MICAL2: variants seen among roughly 807,000 people sequenced by gnomAD.
The protein encoded by MICAL2 is microtubule associated monooxygenase, calponin and LIM domain containing 2.
Under a neutral mutation model 127.3 loss-of-function variants are expected in MICAL2, and 77 were observed. The observed-to-expected ratio is 0.60, with a 90% CI of 0.50 to 0.73. MICAL2 has a LOEUF of 0.73. Among genes scored for constraint, MICAL2 ranks in the 30% least tolerant of loss-of-function variants. The probability of loss-of-function intolerance (pLI) is 0.00; values close to 1 mark genes in which losing one functional copy is unlikely to be tolerated. For synonymous variants in MICAL2, 570 were observed against 551.1 expected, an observed-to-expected ratio of 1.03 and a Z score of -0.48; for missense variants, 1,351 against 1,434.4, an observed-to-expected ratio of 0.94 and a Z score of 0.94.
chr11:12,219,843 T>C (rs1413301263), intron 8 of MICAL2, among the ~76,000 whole-genome samples: 2 of 152,362 alleles, frequency 1.3e-5, no homozygotes, highest in Admixed American at 1.3e-4. Context: ...ACGCGCCCTG[T>C]TGAAATTCCT....
chr11:12,117,921 C>T (rs1000338821), intron 1 of MICAL2, among the ~76,000 whole-genome samples: 1 of 152,358 alleles, frequency 6.6e-6, no homozygotes, highest in South Asian at 2.1e-4. Context: ...AGGATTCACT[C>T]AGCCTTTTTC....
intron 3 of MICAL2, among the ~76,000 whole-genome samples, chr11:12,182,510 C>A (rs145140946): frequency 1.3e-5 from 2 of 152,102 alleles, no homozygotes; most frequent in Non-Finnish European, 2.9e-5. Flanking sequence ...CGATTCCTAG[C>A]GATAGGAAAT....
intron 1 of MICAL2, among the ~76,000 whole-genome samples, chr11:12,126,995 A>C (rs546769812): frequency 6.0e-4 from 92 of 152,294 alleles, no homozygotes; most frequent in African/African-American, 2.2e-3. Context: ...TGAGGCCAAG[A>C]GAAATGGGGA....
intron 3 of MICAL2, among the ~76,000 whole-genome samples, chr11:12,177,397 A>C (rs1273504835): frequency 6.6e-6 from 1 of 152,088 alleles, no homozygotes; most frequent in Admixed American, 6.5e-5. Flanking sequence ...CTGGATACTA[A>C]CTCTTTGCCA....
chr11:12,281,215 A>C (rs1044106683), intron 2 of MICAL2: 41 of 397,248 alleles, frequency 1.0e-4, no homozygotes, highest in Non-Finnish European at 1.6e-4. Flanking sequence ...CTCAGGCTTC[A>C]AGGCGGTGGG....
chr11:12,195,152 G>A (rs1248774449), intron 3 of MICAL2, among the ~76,000 whole-genome samples: 2 of 152,142 alleles, frequency 1.3e-5, no homozygotes, highest in African/African-American at 4.8e-5. Context: ...AGCTACTAGG[G>A]AGGTTGAGGT....
intron 24 of MICAL2, 167 bp downstream of exon 24, chr11:12,257,138 G>A (rs1862440722): frequency 2.7e-6 from 2 of 727,504 alleles, no homozygotes; most frequent in Non-Finnish European, 4.3e-6. Flanking sequence ...CCTGCTAGAA[G>A]GGGAGGCTGC....
At chr11:12,215,568 A>T (rs1317255527) in intron 7 of MICAL2, among the ~76,000 whole-genome samples, 3 of 152,194 alleles carry the variant, frequency 2.0e-5, no homozygotes, top group Non-Finnish European at 2.9e-5. Flanking sequence ...TCCTCAGGTG[A>T]TGCTGATGCT....
chr11:12,262,060 G>A (rs1041819396), intron 26 of MICAL2: 10 of 1,066,808 alleles, frequency 9.4e-6, no homozygotes, highest in East Asian at 7.8e-5. Flanking sequence ...TTACTGTGGC[G>A]AGACAGGGCG....
intron 2 of MICAL2, among the ~76,000 whole-genome samples, chr11:12,283,154 C>A (rs1039337795): frequency 6.6e-6 from 1 of 152,160 alleles, no homozygotes; most frequent in Non-Finnish European, 1.5e-5. Context: ...AAGTGCTGTG[C>A]TTTGTGCTGC....
intron 7 of MICAL2, among the ~76,000 whole-genome samples, chr11:12,214,586 T>C (rs1229685631): frequency 1.3e-5 from 2 of 152,226 alleles, no homozygotes; most frequent in East Asian, 3.8e-4. Flanking sequence ...GGCCACATGG[T>C]TCTATACTGC....
intron 2 of MICAL2, among the ~76,000 whole-genome samples, chr11:12,148,840 T>C (rs1853254720): frequency 6.6e-6 from 1 of 152,160 alleles, no homozygotes; most frequent in Non-Finnish European, 1.5e-5. Flanking sequence ...AAATTATGCT[T>C]CAAAGAAGAA....
chr11:12,228,345 T>C (rs1375369484), intron 15 of MICAL2, among the ~76,000 whole-genome samples: 2 of 151,796 alleles, frequency 1.3e-5, no homozygotes, highest in African/African-American at 4.8e-5. Flanking sequence ...AAACAAAAAA[T>C]TGGAGGCCTA....
chr11:12,140,148 A>G (rs1852206423), intron 2 of MICAL2, among the ~76,000 whole-genome samples: 3 of 152,274 alleles, frequency 2.0e-5, no homozygotes, highest in South Asian at 4.1e-4. Flanking sequence ...TATTTTCCAA[A>G]GCATTCCCAA....
At chr11:12,308,346 A>G (rs1336575618) in intron 29 of MICAL2, 2 of 152,222 alleles carry the variant, frequency 1.3e-5, no homozygotes, top group Non-Finnish European at 2.9e-5. Flanking sequence ...CTTGTTATCT[A>G]TAGATCAGTT....
intron 9 of MICAL2, 99 bp downstream of exon 9, chr11:12,220,557 C>G: frequency 3.4e-6 from 5 of 1,471,974 alleles, no homozygotes; most frequent in Middle Eastern, 4.9e-4. Flanking sequence ...GGGGAGAGGA[C>G]AGGCTCTCAG....
chr11:12,302,158 A>G (rs146544775), intron 29 of MICAL2, among the ~76,000 whole-genome samples: 49 of 152,294 alleles, frequency 3.2e-4, no homozygotes, highest in African/African-American at 1.2e-3. Flanking sequence ...AAAGGGATGG[A>G]CAAAATCACT....
chr11:12,251,785 C>CAT (rs1861598920), intron 22 of MICAL2, among the ~76,000 whole-genome samples: 1 of 152,022 alleles, frequency 6.6e-6, no homozygotes, highest in Non-Finnish European at 1.5e-5. Context: ...TTTGGCTGCA[C>CAT]CTCCCAGCAA....
chr11:12,181,380 C>T (rs1210161780), intron 3 of MICAL2, among the ~76,000 whole-genome samples: 1 of 152,194 alleles, frequency 6.6e-6, no homozygotes, highest in African/African-American at 2.4e-5. Context: ...AGTCCTGGTA[C>T]TATGAATCTG....
Sources: allele counts gnomAD v4.1 joint callset (sites outside exome capture counted in the v4.1 genomes callset), GRCh38; gene constraint gnomAD v4.1.1; transcripts MANE v1.5; gene names NCBI Gene and HGNC (gene_info 2026-07-23, HGNC 2026-07-21).